The following KCNAB2 variants were observed in gnomAD, a reference collection of about 807,000 sequenced individuals.
KCNAB2 encodes the protein potassium voltage-gated channel subfamily A regulatory beta subunit 2.
KCNAB2 carries 29 observed loss-of-function variants against 63.6 expected under a neutral mutation model. The observed-to-expected ratio is 0.46, with a 90% confidence interval of 0.34 to 0.62. The LOEUF (loss-of-function observed/expected upper bound fraction) is 0.62. Ranked by LOEUF, KCNAB2 falls within the 20% of genes least tolerant of loss-of-function variation. The probability of loss-of-function intolerance (pLI) is 0.01; values close to 1 mark genes in which losing one functional copy is unlikely to be tolerated. For missense variants in KCNAB2, 359 were observed against 563.9 expected (o/e 0.64, Z 3.68); for synonymous variants, 222 against 224.2 (o/e 0.99, Z 0.09).
At chr1:6,009,593 A>G (rs1450574577) in intron 1 of KCNAB2, among the ~76,000 whole-genome samples, 3 of 152,202 alleles carry the variant, frequency 2.0e-5, no homozygotes, top group African/African-American at 7.2e-5. Context: ...CACACTTCAC[A>G]AAAGGGTGTC....
intron 2 of KCNAB2, among the ~76,000 whole-genome samples, chr1:6,056,917 CTGAG>C (rs1313896889): frequency 1.3e-5 from 2 of 151,920 alleles, no homozygotes; most frequent in African/African-American, 4.8e-5. Flanking sequence ...AGCCCCTCTC[CTGAG>C]TGAGTGTCTT....
Position 6,087,163 on chromosome 1 carries a change from A to C in KCNAB2, c.426-304A>C, listed in dbSNP as rs1346049773. 2.7e-5 allele frequency among the ~76,000 whole-genome samples: 4 copies of C among 149,168 alleles called. No homozygotes were observed. The highest frequency in any genetic ancestry group is 5.9e-5 in the Non-Finnish European group (4 of 67,354). The stretch of plus-strand genomic sequence containing the variant: ...AGTCCCTGAGCCAGGCCCCCCTCCC[A>C]CATCCTGGGCGGAAGGCATCTCCTC... On this transcript the variant is annotated intron_variant, in intron 6 of 15. Transcript: ENST00000378083. This position sits in a 1 kb window ranked among gnomAD's most constrained non-coding sequence, Gnocchi z 6.4.
chr1:6,075,052 T>C (rs1663548869), intron 4 of KCNAB2, among the ~76,000 whole-genome samples: 1 of 152,144 alleles, frequency 6.6e-6, no homozygotes, highest in Admixed American at 6.5e-5. Flanking sequence ...TCTGGAGTTA[T>C]TAAGGCAAAA....
intron 1 of KCNAB2, among the ~76,000 whole-genome samples, chr1:6,021,653 TCAGTGGTATTGAGGGTAAAGTG>T (rs1658826036): frequency 1.3e-5 from 2 of 149,538 alleles, no homozygotes; most frequent in South Asian, 2.1e-4. Context: ...AGTATACAGT[TCAGTGGTATTGAGGGTAAAGTG>T]CAGTGGTATT....
At chr1:5,997,518 G>C (rs1442551198) in intron 1 of KCNAB2, among the ~76,000 whole-genome samples, 1 of 152,186 alleles carries the variant, frequency 6.6e-6, no homozygotes, top group Non-Finnish European at 1.5e-5. Flanking sequence ...CAGCCCCTGG[G>C]CACCGAGTGG....
upstream of KCNAB2, among the ~76,000 whole-genome samples, chr1:6,032,449 C>T (rs377310372): frequency 3.3e-5 from 5 of 152,034 alleles, no homozygotes; most frequent in South Asian, 4.2e-4. Context: ...TGGTGGCACG[C>T]GCCTGTAGTC....
rs947816328 is a variant in KCNAB2 at position 6,099,955 on chromosome 1, C to G, written c.*1381C>G. ...CCCAGGCCTGTGTCCCAAGCAGTAC[C>G]CAGGCTTTGCAGACCACGCGGGGCA... On this transcript the variant is annotated 3_prime_UTR_variant, in exon 16 of 16. Transcript: ENST00000378083. The G allele has an allele frequency of 1.6e-5, 25 of 1,550,170 alleles. No individual in the cohort carries two copies. The highest frequency in any genetic ancestry group is 4.1e-5 in the African/African-American group (3 of 73,046).
At chr1:6,007,807 C>G (rs1354563371) in intron 1 of KCNAB2, 1 of 152,418 alleles carries the variant, frequency 6.6e-6, no homozygotes, top group Non-Finnish European at 1.5e-5. Context: ...CCTCCCCTCC[C>G]GTCCCTGTGC....
chr1:6,009,902 A>G (rs1570850074), intron 1 of KCNAB2, among the ~76,000 whole-genome samples: 1 of 133,164 alleles, frequency 7.5e-6, no homozygotes, highest in Non-Finnish European at 1.6e-5. Flanking sequence ...ACAGGGTCTC[A>G]CTCTGCCGCC....
At chr1:6,020,406 A>G (rs941901869) in intron 1 of KCNAB2, among the ~76,000 whole-genome samples, 5 of 151,934 alleles carry the variant, frequency 3.3e-5, no homozygotes, top group African/African-American at 7.3e-5. Flanking sequence ...TCTGCCCCCA[A>G]TCCAGCCTGA....
At chr1:6,026,724 G>A (rs533715060) in intron 1 of KCNAB2, among the ~76,000 whole-genome samples, 63 of 152,320 alleles carry the variant, frequency 4.1e-4, no homozygotes, top group Admixed American at 7.8e-4. Flanking sequence ...GATGTCTGAC[G>A]GCCGCACATT....
upstream of KCNAB2, chr1:6,041,810 T>G (rs769034125): frequency 2.7e-5 from 43 of 1,610,346 alleles, no homozygotes; most frequent in Non-Finnish European, 3.7e-5. Flanking sequence ...CTTTTTCTCT[T>G]TTCTCCATTG....
intron 1 of KCNAB2, among the ~76,000 whole-genome samples, chr1:5,995,014 G>A (rs1187389447): frequency 6.6e-6 from 1 of 152,172 alleles, no homozygotes; most frequent in Non-Finnish European, 1.5e-5. Context: ...CCAGGGGACC[G>A]TGCTTCTGTT....
intron 1 of KCNAB2, among the ~76,000 whole-genome samples, chr1:6,036,744 G>A (rs1041244341): frequency 6.6e-6 from 1 of 151,968 alleles, no homozygotes; most frequent in Non-Finnish European, 1.5e-5. Flanking sequence ...TGTGGAAGGT[G>A]GCTTCTGATT....
rs116542179 is a variant in KCNAB2, at chr1:6,095,424, G to C, written c.834G>C (p.Pro278=). Residue 278 remains proline (P), a synonymous_variant, in exon 12 of 16, where the codon CCG becomes CCC. Transcript: ENST00000378083. ...FQREKVEVQL[P]ELFHKIGVGA... ...GTGAGAAAGTGGAGGTGCAGCTGCC[G>C]GAGCTGTTCCACAAGATAGGTGGGC... 3.4e-5 allele frequency: 55 copies of C among 1,612,966 alleles called. No individual in the cohort carries two copies. The highest frequency in any genetic ancestry group is 4.7e-5 in the Non-Finnish European group (55 of 1,180,016).
intron 1 of KCNAB2, among the ~76,000 whole-genome samples, chr1:6,011,017 G>A (rs1658114259): frequency 1.3e-5 from 2 of 152,194 alleles, no homozygotes; most frequent in African/African-American, 4.8e-5. Context: ...AATGGAAAGT[G>A]CAACTCTCTA....
intron 1 of KCNAB2, chr1:6,034,849 T>G (rs1184767217): frequency 2.6e-5 from 4 of 152,264 alleles, no homozygotes; most frequent in African/African-American, 9.7e-5. Flanking sequence ...GTCTACTAGG[T>G]GCCAGGCACA....
intron 2 of KCNAB2, among the ~76,000 whole-genome samples, chr1:6,066,055 C>T (rs562447577): frequency 7.1e-4 from 108 of 152,352 alleles, no homozygotes; most frequent in African/African-American, 2.5e-3. Flanking sequence ...TCTGAGCACC[C>T]GGCCTCAGCA....
At chr1:6,036,561 C>T (rs1255654591) in intron 1 of KCNAB2, among the ~76,000 whole-genome samples, 2 of 152,086 alleles carry the variant, frequency 1.3e-5, no homozygotes, top group Non-Finnish European at 2.9e-5. Flanking sequence ...GAAATAATAA[C>T]TTATTGGGTG....
Sources: gnomAD v4.1 joint callset for allele counts (sites outside exome capture counted in the v4.1 genomes callset) on GRCh38, gnomAD v4.1.1 for gene constraint, Gnocchi (gnomAD v3.1) non-coding constraint, MANE v1.5 for transcripts, NCBI Gene and HGNC (gene_info 2026-07-23, HGNC 2026-07-21) for gene names.